ANAPC10: variants seen among roughly 807,000 people sequenced by gnomAD.
ANAPC10 encodes anaphase-promoting complex subunit 10.
Under a neutral mutation model 22.0 loss-of-function variants are expected in ANAPC10, and 12 were observed. That is an observed-to-expected ratio of 0.55 (90% CI 0.35 to 0.88). The LOEUF (loss-of-function observed/expected upper bound fraction) is 0.88, where lower values mean the gene tolerates loss of function less well. Ranked by LOEUF, ANAPC10 falls within the 40% of genes least tolerant of loss-of-function variation. The pLI, the probability that ANAPC10 is intolerant of heterozygous loss-of-function variation, is 0.01. For missense variants in ANAPC10, 188 were observed against 220.9 expected, an observed-to-expected ratio of 0.85 and a Z score of 0.94; for synonymous variants, 65 against 69.5, an observed-to-expected ratio of 0.94 and a Z score of 0.32.
chr4:145,026,945 A>ATATATATAATATATATGTG (rs1287102797), intron 4 of ANAPC10, among the ~76,000 whole-genome samples: 1 of 17,138 alleles, frequency 5.8e-5, no homozygotes, highest in Non-Finnish European at 1.2e-4. Context: ...ATATATATAT[A>ATATATATAATATATATGTG]TGTGTGTGTG....
intron 2 of ANAPC10, 54 bp from the exon 3 acceptor site, chr4:145,081,804 T>C (rs1746062388): frequency 8.3e-7 from 1 of 1,199,164 alleles, no homozygotes; most frequent in Admixed American, 1.9e-5. Context: ...CAACTATACA[T>C]GCAAAACATA....
intron 4 of ANAPC10, chr4:145,053,583 T>C (rs1343338901): frequency 1.6e-5 from 7 of 425,500 alleles, no homozygotes; most frequent in Non-Finnish European, 2.9e-5. Context: ...TCAACTATAA[T>C]TTCAAATACA....
At chr4:145,020,669 T>C (rs1259868482) in intron 4 of ANAPC10, among the ~76,000 whole-genome samples, 1 of 151,996 alleles carries the variant, frequency 6.6e-6, no homozygotes, top group Non-Finnish European at 1.5e-5. Context: ...TATAATCGTT[T>C]ACCTCAAAAA....
chr4:145,017,424 T>C (rs376904561), intron 4 of ANAPC10, among the ~76,000 whole-genome samples: 148 of 152,196 alleles, frequency 9.7e-4, no homozygotes, highest in African/African-American at 3.2e-3. Context: ...AATGAGATAC[T>C]ATCTCACACC....
At chr4:145,025,643 C>T (rs935144920) in intron 4 of ANAPC10, among the ~76,000 whole-genome samples, 9 of 152,092 alleles carry the variant, frequency 5.9e-5, no homozygotes, top group Non-Finnish European at 8.8e-5. Context: ...CACAGATGAC[C>T]GTAACAGGTA....
chr4:144,999,317 A>C (rs1560801071), intron 4 of ANAPC10: 1 of 153,084 alleles, frequency 6.5e-6, no homozygotes, highest in African/African-American at 2.4e-5. Flanking sequence ...CAACAAGAAA[A>C]GAGAATTTTA....
At chr4:145,058,359 G>C (rs1264561589) in intron 4 of ANAPC10, among the ~76,000 whole-genome samples, 1 of 152,250 alleles carries the variant, frequency 6.6e-6, no homozygotes, top group East Asian at 1.9e-4. Context: ...TAAACAGTCA[G>C]TTGAACCATC....
intron 4 of ANAPC10, among the ~76,000 whole-genome samples, chr4:145,048,366 G>T (rs1174262050): frequency 6.6e-6 from 1 of 152,166 alleles, no homozygotes; most frequent in Non-Finnish European, 1.5e-5. Flanking sequence ...GCCAAGATTA[G>T]TGTATAGAAA....
In ANAPC10 at chr4:144,994,855, C is replaced by G. The variant is rs36111034; in HGVS notation, c.*518G>C. ...CCATATTAGATTGGTTCTCATCAGA[C>G]AACCTAACACTAAGCTTATTTGACA... is the stretch of plus-strand genomic sequence containing the variant. On this transcript the variant is annotated 3_prime_UTR_variant, in exon 5 of 5. Transcript: ENST00000507656. 6.5e-6 allele frequency: 1 copy of G among 152,840 alleles called. No individual in the cohort carries two copies. Among genetic ancestry groups the G allele is most frequent in the African/African-American group, 2.4e-5 (1 of 41,572 alleles). 9.5% of individuals were successfully genotyped at this position (152,840 alleles called of 1,614,324 possible). A position where few individuals can be genotyped will look rare whatever the true frequency, so the allele number is the denominator to read the frequency against.
At chr4:145,006,749 T>G (rs1260081936) in intron 4 of ANAPC10, among the ~76,000 whole-genome samples, 3 of 152,138 alleles carry the variant, frequency 2.0e-5, no homozygotes, top group Non-Finnish European at 4.4e-5. Flanking sequence ...TGAACCTTCT[T>G]AGCCTTTTTT....
In ANAPC10 at chr4:145,088,343, C is replaced by G. The variant is rs76879697; in HGVS notation, c.116-6593G>C. 2.0e-5 allele frequency among the ~76,000 whole-genome samples: 3 copies of G among 152,184 alleles called. No individual in the cohort carries two copies. In the East Asian group the frequency reaches 5.8e-4, roughly 29 times the overall value. On this transcript the variant is annotated intron_variant, in intron 2 of 4. Coordinates refer to ENST00000507656, the MANE Select transcript of ANAPC10 (RefSeq NM_001256706.2). ...AATTTGTATCTCCAACCCAGAACTT[C>G]AAGCAGAGCTCCCAGCCTCTACAGT...
intron 4 of ANAPC10, among the ~76,000 whole-genome samples, chr4:145,056,804 G>T (rs577160884): frequency 3.6e-4 from 55 of 152,240 alleles, no homozygotes; most frequent in Non-Finnish European, 5.6e-4. Context: ...TTATAAGAGG[G>T]ATTGATAATC....
intron 3 of ANAPC10, among the ~76,000 whole-genome samples, chr4:145,067,213 G>T (rs1289830643): frequency 6.6e-6 from 1 of 152,056 alleles, no homozygotes; most frequent in East Asian, 1.9e-4. Flanking sequence ...AAATAGCAAT[G>T]CATGTCATAA....
At chr4:145,051,593 T>C (rs558813659) in intron 4 of ANAPC10, among the ~76,000 whole-genome samples, 2 of 152,302 alleles carry the variant, frequency 1.3e-5, no homozygotes, top group East Asian at 1.9e-4. Flanking sequence ...GCCTGTATAG[T>C]ACTTAGTATA....
intron 4 of ANAPC10, among the ~76,000 whole-genome samples, chr4:145,053,033 C>G (rs1227761976): frequency 1.3e-5 from 2 of 152,042 alleles, no homozygotes; most frequent in Non-Finnish European, 2.9e-5. Context: ...GTGTGCCAGG[C>G]AAACCCTAAG....
At chr4:145,024,405 T>A (rs1300706568) in intron 4 of ANAPC10, among the ~76,000 whole-genome samples, 1 of 152,220 alleles carries the variant, frequency 6.6e-6, no homozygotes, top group Non-Finnish European at 1.5e-5. Context: ...CTATGGCAGC[T>A]AATGCCTTAT....
At chr4:144,995,824 G>A (rs1481567139) in intron 4 of ANAPC10, among the ~76,000 whole-genome samples, 1 of 152,140 alleles carries the variant, frequency 6.6e-6, no homozygotes, top group African/African-American at 2.4e-5. Flanking sequence ...AATAAAAATA[G>A]ATGTGCTTCA....
At chr4:145,010,595 T>C (rs938528625) in intron 4 of ANAPC10, among the ~76,000 whole-genome samples, 5 of 152,024 alleles carry the variant, frequency 3.3e-5, no homozygotes, top group Non-Finnish European at 1.5e-5. Context: ...ACACCACATA[T>C]TCTAACTCAT....
intron 4 of ANAPC10, among the ~76,000 whole-genome samples, chr4:145,007,509 C>A (rs1295998854): frequency 2.0e-5 from 3 of 152,104 alleles, no homozygotes; most frequent in Non-Finnish European, 2.9e-5. Flanking sequence ...AATTACAACT[C>A]AGGATTAAGA....
Sources: allele counts gnomAD v4.1 joint callset (sites outside exome capture counted in the v4.1 genomes callset), GRCh38; gene constraint gnomAD v4.1.1; transcripts MANE v1.5; gene names NCBI Gene and HGNC (gene_info 2026-07-23, HGNC 2026-07-21).